The following EFL1 variants were observed in gnomAD, a reference collection of about 807,000 sequenced individuals.
EFL1 encodes elongation factor like GTPase 1.
EFL1 carries 76 observed loss-of-function variants against 126.7 expected under a neutral mutation model. The observed-to-expected ratio is 0.60, with a 90% CI of 0.50 to 0.73. The LOEUF is 0.73. Ranked by LOEUF, EFL1 falls within the 30% of genes least tolerant of loss-of-function variation. The pLI is 0.00. For missense variants in EFL1, 1,128 were observed against 1,343.2 expected (o/e 0.84, Z 2.50); for synonymous variants, 410 against 448.4 (o/e 0.91, Z 1.08).
intron 18 of EFL1, among the ~76,000 whole-genome samples, chr15:82,140,623 G>T (rs948467044): frequency 6.6e-6 from 1 of 152,106 alleles, no homozygotes; most frequent in Non-Finnish European, 1.5e-5. Context: ...TCTAAGCCAG[G>T]CCTCTCCTTG....
In EFL1 at chr15:82,209,310, G is replaced by GACACAC. The variant is rs1439189664; in HGVS notation, c.1750+5406_1750+5407insGTGTGT. Among the ~76,000 whole-genome samples the GACACAC allele has an allele frequency of 2.3e-3, 222 of 94,926 alleles. 3 individuals are homozygous for GACACAC. The highest frequency in any genetic ancestry group is 6.9e-3 in the African/African-American group (176 of 25,372). 62.3% of individuals were successfully genotyped at this position (94,926 alleles called of 152,430 possible). ...CCACATGACTAAGGATTCACACACAGACACAGACACACACACACACACACA... is the reference window on the plus strand; with the variant it reads ...CCACATGACTAAGGATTCACACACAGACACACACACAGACACACACACACACACACA... On this transcript the variant is annotated intron_variant, in intron 15 of 19. Coordinates refer to ENST00000268206, the MANE Select transcript of EFL1 (RefSeq NM_024580.6).
At chr15:82,180,682 A>T (rs1432559153) in intron 15 of EFL1, among the ~76,000 whole-genome samples, 10 of 152,162 alleles carry the variant, frequency 6.6e-5, no homozygotes. Context: ...CTCCCCTTTT[A>T]ACATAAAAAG....
chr15:82,247,202 C>G (rs183312323), intron 4 of EFL1, among the ~76,000 whole-genome samples: 13 of 152,106 alleles, frequency 8.5e-5, no homozygotes, highest in Admixed American at 8.5e-4. Flanking sequence ...CTGGGAGAAT[C>G]AAAGATTGTA....
chr15:82,240,360 A>G lies in EFL1; in HGVS notation c.516+58T>C, dbSNP rs948148937. The G allele has an allele frequency of 2.6e-6, 4 of 1,510,024 alleles. No homozygotes were observed. In the African/African-American group the frequency reaches 5.6e-5, roughly 21 times the overall value. 93.5% of individuals were successfully genotyped at this position (1,510,024 alleles called of 1,614,324 possible). ...AGCAACGGCTCATACCCAGCTCAGT[A>G]ACTTCCTTACAACTCTTCTTCGTGG... is the stretch of plus-strand genomic sequence containing the variant. On this transcript the variant is annotated intron_variant, in intron 6 of 19. Coordinates refer to ENST00000268206, the MANE Select transcript of EFL1 (RefSeq NM_024580.6).
Position 82,237,543 on chromosome 15 carries a change from C to T in EFL1, c.731+764G>A, listed in dbSNP as rs1318748841. ...ACATTTGGAGAAACTGGATCACTCACGCATGCACTGCTGGTGAGAATATAA... is the reference window on the plus strand; with the variant it reads ...ACATTTGGAGAAACTGGATCACTCATGCATGCACTGCTGGTGAGAATATAA... On this transcript the variant is annotated intron_variant, in intron 7 of 19. Coordinates refer to ENST00000268206, the MANE Select transcript of EFL1 (RefSeq NM_024580.6). 3.9e-5 allele frequency among the ~76,000 whole-genome samples: 6 copies of T among 152,312 alleles called. 1 individual carries two copies. The highest frequency in any genetic ancestry group is 4.1e-4 in the South Asian group (2 of 4,824).
chr15:82,149,525 T>C (rs1338075092), intron 18 of EFL1, among the ~76,000 whole-genome samples: 1 of 152,198 alleles, frequency 6.6e-6, no homozygotes, highest in Non-Finnish European at 1.5e-5. Flanking sequence ...GACACAGACA[T>C]GTTCTCTACT....
Position 82,183,481 on chromosome 15 carries a change from A to C in EFL1, c.1751-19497T>G, listed in dbSNP as rs562455772. On this transcript the variant is annotated intron_variant, in intron 15 of 19. Transcript: ENST00000268206. ...AGGGCATCTTTCAGAATTAATAATC[A>C]CTGGCCCAATTGTCCTTGCTCTGCT... 7.2e-5 allele frequency among the ~76,000 whole-genome samples: 11 copies of C among 152,258 alleles called. No individual in the cohort carries two copies. The East Asian group carries it at 1.7e-3, about 24-fold the overall frequency.
rs1039477577 is a variant in EFL1 at position 82,219,548 on chromosome 15, A to G, written c.1611+104T>C. The G allele has an allele frequency of 1.5e-5, 19 of 1,294,390 alleles. No individual in the cohort carries two copies. In the South Asian group the frequency reaches 1.7e-4, roughly 12 times the overall value. The allele number at this position is 1,294,390 out of a possible 1,614,324, so 80.2% of individuals were successfully genotyped here. On this transcript the variant is annotated intron_variant, in intron 14 of 19. Coordinates refer to ENST00000268206, the MANE Select transcript of EFL1 (RefSeq NM_024580.6). Reference sequence around the variant, plus strand: ...GTCACTCAAGTGTGCCTTTCCAGAGACAAACTAAATCTACCAACAAGATAA... The same window carrying G: ...GTCACTCAAGTGTGCCTTTCCAGAGGCAAACTAAATCTACCAACAAGATAA...
chr15:82,154,513 G>T (rs1423907892), intron 17 of EFL1, among the ~76,000 whole-genome samples: 1 of 152,070 alleles, frequency 6.6e-6, no homozygotes, highest in African/African-American at 2.4e-5. Context: ...ATTGTGAAAT[G>T]TAATAGTCAT....
At chr15:82,252,006 T>C (rs2075026270) in intron 4 of EFL1, among the ~76,000 whole-genome samples, 1 of 152,230 alleles carries the variant, frequency 6.6e-6, no homozygotes, top group South Asian at 2.1e-4. Flanking sequence ...TTTTATTACC[T>C]AAACACATTC....
rs187679759 is a variant in EFL1 at position 82,196,590 on chromosome 15, T to C, written c.1750+18127A>G. ...TCAAAATCCTTTCAGTTTTTTAATA[T>C]GCAAAATGAAGAGAAATTTACCACT... On this transcript the variant is annotated intron_variant, in intron 15 of 19. Coordinates refer to ENST00000268206, the MANE Select transcript of EFL1 (RefSeq NM_024580.6). Among the ~76,000 whole-genome samples the C allele has an allele frequency of 1.0e-3, 158 of 152,318 alleles. 2 individuals are homozygous for C. The highest frequency in any genetic ancestry group is 0.01 in the Middle Eastern group (3 of 294).
At chr15:82,162,270 G>A (rs2074031218) in intron 16 of EFL1, among the ~76,000 whole-genome samples, 2 of 152,172 alleles carry the variant, frequency 1.3e-5, no homozygotes, top group South Asian at 4.1e-4. Flanking sequence ...GTGACAGTGA[G>A]ATCTTGTCTC....
intron 7 of EFL1, among the ~76,000 whole-genome samples, chr15:82,237,233 C>T (rs576226883): frequency 7.2e-5 from 11 of 152,166 alleles, no homozygotes; most frequent in African/African-American, 2.4e-4. Flanking sequence ...AGTCAAACTA[C>T]AGACTGGGAG....
intron 16 of EFL1, among the ~76,000 whole-genome samples, chr15:82,161,045 G>A (rs8034586): frequency 0.36 from 55,257 of 152,072 alleles, 11,328 homozygotes; most frequent in African/African-American, 0.55. Flanking sequence ...GCATGAAGTA[G>A]AGGGTGGCTG....
chr15:82,189,673 G>A (rs2074338235), intron 15 of EFL1, among the ~76,000 whole-genome samples: 1 of 152,054 alleles, frequency 6.6e-6, no homozygotes, highest in Non-Finnish European at 1.5e-5. Context: ...TAGTAAGGGT[G>A]TTCTTTCAAT....
chr15:82,261,496 T>C (rs2075117575), intron 2 of EFL1, among the ~76,000 whole-genome samples, 192 bp downstream of exon 2: 1 of 152,204 alleles, frequency 6.6e-6, no homozygotes, highest in African/African-American at 2.4e-5. Context: ...TGCTACTCAC[T>C]AGGTAACCGT....
chr15:82,131,292 CAT>C (rs2073640846), intron 19 of EFL1, among the ~76,000 whole-genome samples: 2 of 152,084 alleles, frequency 1.3e-5, no homozygotes, highest in African/African-American at 4.8e-5. Context: ...ATTATTATTA[CAT>C]ATATTTTTTT....
At chr15:82,230,605 AAAG>A (rs1193113673) in intron 8 of EFL1, among the ~76,000 whole-genome samples, 1 of 152,142 alleles carries the variant, frequency 6.6e-6, no homozygotes, top group Non-Finnish European at 1.5e-5. Context: ...TCTGAAAAAA[AAAG>A]AAAAGAAAGA....
At chr15:82,161,095 A>G (rs1336790878) in intron 16 of EFL1, among the ~76,000 whole-genome samples, 1 of 152,222 alleles carries the variant, frequency 6.6e-6, no homozygotes, top group Non-Finnish European at 1.5e-5. Context: ...TTAGAGAAAG[A>G]AAAGTGGAAG....
Sources: allele counts gnomAD v4.1 joint callset (sites outside exome capture counted in the v4.1 genomes callset), GRCh38; gene constraint gnomAD v4.1.1; transcripts MANE v1.5; gene names NCBI Gene and HGNC (gene_info 2026-07-23, HGNC 2026-07-21).